CLPB: variants seen among roughly 807,000 people sequenced by gnomAD.
CLPB encodes mitochondrial disaggregase.
A neutral mutation model predicts 78.4 loss-of-function variants in CLPB; 40 were observed. The observed-to-expected ratio is 0.51, with a 90% confidence interval of 0.40 to 0.66. CLPB has a LOEUF of 0.66. Ranked by LOEUF, CLPB falls within the 30% of genes least tolerant of loss-of-function variation. The pLI is 0.00. For missense variants in CLPB, 780 were observed against 886.9 expected (o/e 0.88, Z 1.53); for synonymous variants, 333 against 348.0 (o/e 0.96, Z 0.48).
At chr11:72,363,223 G>A (rs1326937828) in intron 4 of CLPB, among the ~76,000 whole-genome samples, 1 of 151,984 alleles carries the variant, frequency 6.6e-6, no homozygotes, top group East Asian at 1.9e-4. Context: ...CGGAGGGAAG[G>A]AGGGAGGGCA....
At chr11:72,409,029 G>A (rs190495585) in intron 2 of CLPB, among the ~76,000 whole-genome samples, 116 of 152,310 alleles carry the variant, frequency 7.6e-4, no homozygotes, top group Non-Finnish European at 1.3e-3. Context: ...GACAGAGTAC[G>A]GTGTCTCTGA....
At chr11:72,362,952 G>T (rs1321724698) in intron 4 of CLPB, among the ~76,000 whole-genome samples, 1 of 152,082 alleles carries the variant, frequency 6.6e-6, no homozygotes, top group African/African-American at 2.4e-5. Flanking sequence ...GCTCAGAAGT[G>T]TAAGACCAGC....
chr11:72,395,876 T>A (rs1317724390), intron 3 of CLPB, among the ~76,000 whole-genome samples: 1 of 152,140 alleles, frequency 6.6e-6, no homozygotes, highest in African/African-American at 2.4e-5. Context: ...AGGCTGCCAG[T>A]AGTCTAGCTG....
At chr11:72,314,958 A>C (rs1050908665) in intron 7 of CLPB, among the ~76,000 whole-genome samples, 1 of 152,156 alleles carries the variant, frequency 6.6e-6, no homozygotes. Context: ...ACTGTTAGAT[A>C]CGTGTTTTGC....
At chr11:72,368,595 A>G (rs1337928219) in intron 4 of CLPB, among the ~76,000 whole-genome samples, 1 of 152,186 alleles carries the variant, frequency 6.6e-6, no homozygotes, top group East Asian at 1.9e-4. Flanking sequence ...TTCTGTTTAC[A>G]TCAAATTAGT....
At chr11:72,350,177 G>A (rs1950589065) in intron 5 of CLPB, among the ~76,000 whole-genome samples, 1 of 152,218 alleles carries the variant, frequency 6.6e-6, no homozygotes, top group Admixed American at 6.5e-5. Context: ...GCTGAGGGTA[G>A]GACTTAGGTC....
At chr11:72,402,582 C>T (rs950979784) in intron 3 of CLPB, among the ~76,000 whole-genome samples, 4 of 152,120 alleles carry the variant, frequency 2.6e-5, no homozygotes, top group African/African-American at 9.7e-5. Context: ...AGAAAAAGCC[C>T]CTGGAGGAGC....
chr11:72,286,802 T>A lies in CLPB; in HGVS notation c.*6565A>T, dbSNP rs1218947925. 9.6e-6 allele frequency: 1 copy of A among 104,062 alleles called. No individual in the cohort carries two copies. Among genetic ancestry groups the A allele is most frequent in the African/African-American group, 6.0e-5 (1 of 16,772 alleles). 6.4% of individuals were successfully genotyped at this position (104,062 alleles called of 1,614,324 possible). A position where few individuals can be genotyped will look rare whatever the true frequency, so the allele number is the denominator to read the frequency against. On this transcript the variant is annotated 3_prime_UTR_variant, in exon 16 of 16. Transcript: ENST00000538039. ...CCTTACTTTTTGCTTTATCATTCCGTGTGTGTGTGTGTGTGTGTGTGTGTG... is the reference window on the plus strand; with the variant it reads ...CCTTACTTTTTGCTTTATCATTCCGAGTGTGTGTGTGTGTGTGTGTGTGTG...
chr11:72,389,036 G>T (rs1855169033), intron 3 of CLPB, among the ~76,000 whole-genome samples: 1 of 152,182 alleles, frequency 6.6e-6, no homozygotes, highest in Non-Finnish European at 1.5e-5. Context: ...ACTAGAGGGT[G>T]AGGTAGAACA....
At position 72,373,001 on chromosome 11, in the gene CLPB, G is replaced by A. The variant is rs759358526; in HGVS notation, c.646+7280C>T. Reference sequence around the variant, plus strand: ...GGTTTGTGATGTGCCGGCTTGCACCGTCCTGTCCCCCATCTGAAGACACAG... The same window carrying A: ...GGTTTGTGATGTGCCGGCTTGCACCATCCTGTCCCCCATCTGAAGACACAG... On this transcript the variant is annotated intron_variant, in intron 4 of 15. Transcript: ENST00000538039. The A allele has an allele frequency of 6.1e-5, 99 of 1,613,836 alleles. 1 individual carries two copies. Among genetic ancestry groups the A allele is most frequent in the East Asian group, 4.2e-4 (19 of 44,882 alleles).
At chr11:72,334,811 A>G (rs1950290747) in intron 5 of CLPB, among the ~76,000 whole-genome samples, 2 of 152,162 alleles carry the variant, frequency 1.3e-5, no homozygotes. Flanking sequence ...TGGGGCAAAC[A>G]CCTGGAGCAC....
At chr11:72,375,849 A>T (rs1457782274) in intron 4 of CLPB, among the ~76,000 whole-genome samples, 1 of 152,252 alleles carries the variant, frequency 6.6e-6, no homozygotes, top group African/African-American at 2.4e-5. Context: ...ACTGTAGAGC[A>T]CTTTACAATC....
intron 2 of CLPB, among the ~76,000 whole-genome samples, chr11:72,416,735 CAAAAAAAAAA>C (rs35655496): frequency 0.021 from 1,060 of 50,696 alleles, 24 homozygotes; most frequent in East Asian, 0.13. Flanking sequence ...GACTCCGTCT[CAAAAAAAAAA>C]AAAAAAAAAA....
chr11:72,337,736 G>A (rs1319240437), intron 5 of CLPB, among the ~76,000 whole-genome samples: 1 of 152,148 alleles, frequency 6.6e-6, no homozygotes, highest in African/African-American at 2.4e-5. Context: ...ACCTTCCAAA[G>A]GCCTGATGAC....
intron 4 of CLPB, among the ~76,000 whole-genome samples, chr11:72,374,354 G>T (rs1409223105): frequency 6.6e-6 from 1 of 152,176 alleles, no homozygotes; most frequent in Non-Finnish European, 1.5e-5. Context: ...ATTTACTCAA[G>T]ATCACACATC....
intron 7 of CLPB, among the ~76,000 whole-genome samples, chr11:72,308,899 G>A (rs1290027549): frequency 6.6e-6 from 1 of 152,188 alleles, no homozygotes; most frequent in African/African-American, 2.4e-5. Context: ...GTGAATGGAG[G>A]TGAAGGGGGT....
intron 11 of CLPB, 62 bp from the exon 12 acceptor site, chr11:72,295,710 C>T (rs895904462): frequency 1.3e-6 from 2 of 1,542,034 alleles, no homozygotes; most frequent in African/African-American, 2.7e-5. Flanking sequence ...GGCCTTAGCA[C>T]TCTCAGTTCT....
chr11:72,378,713 A>G (rs537929074), intron 4 of CLPB, among the ~76,000 whole-genome samples: 4 of 152,344 alleles, frequency 2.6e-5, no homozygotes, highest in East Asian at 1.9e-4. Context: ...CCCACATATC[A>G]GGCTGCAAAT....
rs556041710 is a variant in CLPB, at chr11:72,408,257, C to T, written c.456-5205G>A. On this transcript the variant is annotated intron_variant, in intron 2 of 15. Coordinates refer to ENST00000538039, the MANE Select transcript of CLPB (RefSeq NM_001258392.3). ...ACCCTGGAGTCCAAAGGCTGGAGTT[C>T]AGATTCTAGCTCTGTCACTTACTAG... 3.7e-5 allele frequency: 45 copies of T among 1,227,578 alleles called. 2 individuals are homozygous for T. The South Asian group carries it at 5.0e-4, about 14-fold the overall frequency. The allele number at this position is 1,227,578 out of a possible 1,614,324, so 76.0% of individuals were successfully genotyped here.
Sources: gnomAD v4.1 joint callset for allele counts (sites outside exome capture counted in the v4.1 genomes callset) on GRCh38, gnomAD v4.1.1 for gene constraint, MANE v1.5 for transcripts, NCBI Gene and HGNC (gene_info 2026-07-23, HGNC 2026-07-21) for gene names.